CYTH3: variants seen among roughly 807,000 people sequenced by gnomAD.
CYTH3 encodes the protein cytohesin 3.
CYTH3 carries 23 observed loss-of-function variants against 55.1 expected under a neutral mutation model. The ratio of observed to expected loss-of-function variants is 0.42; its 90% CI spans 0.30 to 0.59. The LOEUF (loss-of-function observed/expected upper bound fraction) is 0.59. Among genes scored for constraint, CYTH3 ranks in the 20% least tolerant of loss-of-function variants. CYTH3 has a pLI of 0.20. For missense variants in CYTH3, 413 were observed against 524.8 expected (o/e 0.79, Z 2.08); for synonymous variants, 249 against 194.9 (o/e 1.28, Z -2.31).
Position 6,272,593 on chromosome 7 carries a change from G to A in CYTH3, c.-86C>T. On this transcript the variant is annotated 5_prime_UTR_variant, in exon 1 of 13. Coordinates refer to ENST00000350796, the MANE Select transcript of CYTH3 (RefSeq NM_004227.4). ...GGACGCCGCCGGAGGGAGCGCGCAGGCGACCGGGCGGCTCCTCAGCGCGCG... is the reference window on the plus strand; with the variant it reads ...GGACGCCGCCGGAGGGAGCGCGCAGACGACCGGGCGGCTCCTCAGCGCGCG... 1.9e-6 allele frequency: 2 copies of A among 1,057,528 alleles called. No individual in the cohort carries two copies. The highest frequency in any genetic ancestry group is 1.7e-5 in the African/African-American group (1 of 58,586). 65.5% of individuals were successfully genotyped at this position (1,057,528 alleles called of 1,614,324 possible).
At chr7:6,191,255 C>A (rs1318740066) in intron 1 of CYTH3, among the ~76,000 whole-genome samples, 1 of 151,868 alleles carries the variant, frequency 6.6e-6, no homozygotes, top group African/African-American at 2.4e-5. Context: ...CAAGACCAGC[C>A]TGAGCAAGAT....
intron 4 of CYTH3, among the ~76,000 whole-genome samples, chr7:6,182,040 G>A (rs1388498759): frequency 6.6e-6 from 1 of 151,746 alleles, no homozygotes; most frequent in East Asian, 1.9e-4. Context: ...TGCTTCTTCT[G>A]TTTTTATTTT....
intron 2 of CYTH3, among the ~76,000 whole-genome samples, chr7:6,189,663 C>A (rs1030954415): frequency 6.6e-6 from 1 of 151,986 alleles, no homozygotes; most frequent in African/African-American, 2.4e-5. Context: ...CAGCTGGAAC[C>A]CAATACATGC....
At chr7:6,244,461 T>C (rs1218880539) in intron 1 of CYTH3, among the ~76,000 whole-genome samples, 1 of 152,210 alleles carries the variant, frequency 6.6e-6, no homozygotes, top group Admixed American at 6.5e-5. Context: ...CTTCAAAATG[T>C]CCGAAAAATT....
In CYTH3 at chr7:6,169,485, A is replaced by G. The variant is rs1409892026; in HGVS notation, c.823+1050T>C. ...CTCAGCCTCCCAAAGCACTAGGATTACACACATGAGCCACTGCACCCGGCT... is the reference window on the plus strand; with the variant it reads ...CTCAGCCTCCCAAAGCACTAGGATTGCACACATGAGCCACTGCACCCGGCT... On this transcript the variant is annotated intron_variant, in intron 9 of 12. Coordinates refer to ENST00000350796, the MANE Select transcript of CYTH3 (RefSeq NM_004227.4). The surrounding 1 kb of genome is among the most constrained non-coding windows in gnomAD (Gnocchi z 4.1). 2.6e-5 allele frequency among the ~76,000 whole-genome samples: 4 copies of G among 152,188 alleles called. No individual in the cohort carries two copies. The highest frequency in any genetic ancestry group is 9.7e-5 in the African/African-American group (4 of 41,440).
intron 4 of CYTH3, among the ~76,000 whole-genome samples, chr7:6,179,809 C>CCA (rs568496787): frequency 3.0e-5 from 4 of 134,210 alleles, no homozygotes; most frequent in Admixed American, 7.4e-5. Context: ...ACCACACACA[C>CCA]CACACACACA....
intron 1 of CYTH3, among the ~76,000 whole-genome samples, chr7:6,201,264 G>A (rs947312797): frequency 2.6e-5 from 4 of 152,188 alleles, no homozygotes; most frequent in Non-Finnish European, 5.9e-5. Flanking sequence ...TAGCAACAAC[G>A]GAAAGGGCCA....
At chr7:6,188,711 A>G (rs1783722037) in intron 2 of CYTH3, 1 of 152,160 alleles carries the variant, frequency 6.6e-6, no homozygotes, top group Admixed American at 6.6e-5. Context: ...TGACCTCTGG[A>G]AGCCTCCAAC....
chr7:6,243,981 A>C (rs1779740895), intron 1 of CYTH3, among the ~76,000 whole-genome samples: 1 of 152,346 alleles, frequency 6.6e-6, no homozygotes, highest in Non-Finnish European at 1.5e-5. Flanking sequence ...GTAAGTTATA[A>C]ATACATCATT....
intron 1 of CYTH3, among the ~76,000 whole-genome samples, chr7:6,209,702 A>G (rs1329744345): frequency 6.6e-6 from 1 of 152,170 alleles, no homozygotes; most frequent in Non-Finnish European, 1.5e-5. Flanking sequence ...CCAAAAACTG[A>G]AGCAACCAAG....
At chr7:6,259,799 A>AATATATATATATAT in intron 1 of CYTH3, among the ~76,000 whole-genome samples, 1 of 24,980 alleles carries the variant, frequency 4.0e-5, no homozygotes, top group East Asian at 1.3e-3. Flanking sequence ...ATATATATAT[A>AATATATATATATAT]TATATATATA....
chr7:6,250,037 C>T (rs564743166), intron 1 of CYTH3, among the ~76,000 whole-genome samples: 28 of 152,318 alleles, frequency 1.8e-4, no homozygotes, highest in Middle Eastern at 3.4e-3. Context: ...AGTCTCTTCC[C>T]TGTCATTTGT....
rs58910123 is a variant in CYTH3 at position 6,207,086 on chromosome 7, C to CTTT, written c.35-16558_35-16556dup. ...ATTTCACAGAAATTAAAATGTGCAA[C>CTTT]TTTTTTTTTTTTTTTTTTTTTTTTT... On this transcript the variant is annotated intron_variant, in intron 1 of 12. Transcript: ENST00000350796. 1.8e-3 allele frequency among the ~76,000 whole-genome samples: 189 copies of CTTT among 104,092 alleles called. 13 individuals carry two copies. Among genetic ancestry groups the CTTT allele is most frequent in the African/African-American group, 6.4e-3 (156 of 24,296 alleles). The allele number at this position is 104,092 out of a possible 152,430, so 68.3% of individuals were successfully genotyped here. A position where few individuals can be genotyped will look rare whatever the true frequency, so the allele number is the denominator to read the frequency against.
At chr7:6,182,194 C>T (rs1378826893) in intron 4 of CYTH3, among the ~76,000 whole-genome samples, 4 of 152,018 alleles carry the variant, frequency 2.6e-5, no homozygotes, top group Non-Finnish European at 5.9e-5. Flanking sequence ...ATTACAGGTG[C>T]CTGCTACCAT....
At position 6,164,826 on chromosome 7, in the gene CYTH3, G is replaced by T; in HGVS notation, c.*118C>A. 8.7e-7 allele frequency: 1 copy of T among 1,148,820 alleles called. No homozygotes were observed. Among genetic ancestry groups the T allele is most frequent in the Non-Finnish European group, 1.3e-6 (1 of 771,382 alleles). 71.2% of individuals were successfully genotyped at this position (1,148,820 alleles called of 1,614,324 possible). A position where few individuals can be genotyped will look rare whatever the true frequency, so the allele number is the denominator to read the frequency against. On this transcript the variant is annotated 3_prime_UTR_variant, in exon 13 of 13. Transcript: ENST00000350796. ...ACCACCTGGGCCACGGTATGCTCTG[G>T]AGCAGCAGCTTGCACCGCAGGGCGA...
At chr7:6,268,392 A>G (rs189192521) in intron 1 of CYTH3, among the ~76,000 whole-genome samples, 19 of 152,216 alleles carry the variant, frequency 1.2e-4, no homozygotes, top group African/African-American at 4.3e-4. Context: ...CTGGTCTTGA[A>G]TTCCTGACCT....
intron 5 of CYTH3, among the ~76,000 whole-genome samples, chr7:6,175,545 CTTTT>C (rs1177188782): frequency 4.5e-5 from 4 of 89,006 alleles, no homozygotes; most frequent in Non-Finnish European, 6.2e-5. Flanking sequence ...ACACTTTAGT[CTTTT>C]TTTTTTTTTT....
At chr7:6,211,167 A>G (rs1232592918) in intron 1 of CYTH3, among the ~76,000 whole-genome samples, 2 of 152,158 alleles carry the variant, frequency 1.3e-5, no homozygotes, top group Non-Finnish European at 2.9e-5. Flanking sequence ...CCTCCTGTGA[A>G]CCACTCTCCT....
Position 6,165,270 on chromosome 7 carries a change from C to T in CYTH3, c.1127+3G>A. On this transcript the variant is annotated splice_donor_region_variant and intron_variant, in intron 12 of 12. Transcript: ENST00000350796. ...CTGGCCCCGCCCCCGAGGCCCCACT[C>T]ACTTGATGGATTTCATCCACTCCTC... 2 of 1,609,428 alleles carry T rather than the reference C, an allele frequency of 1.2e-6. No homozygotes were observed. The highest frequency in any genetic ancestry group is 1.7e-6 in the Non-Finnish European group (2 of 1,177,690).
Sources: gnomAD v4.1 joint callset for allele counts (sites outside exome capture counted in the v4.1 genomes callset) on GRCh38, gnomAD v4.1.1 for gene constraint, Gnocchi (gnomAD v3.1) non-coding constraint, MANE v1.5 for transcripts, NCBI Gene and HGNC (gene_info 2026-07-23, HGNC 2026-07-21) for gene names.